PDE4DIP: variants seen among roughly 807,000 people sequenced by gnomAD.
PDE4DIP encodes myomegalin.
PDE4DIP carries 59 observed loss-of-function variants against 221.4 expected under a neutral mutation model. That is an observed-to-expected ratio of 0.27 (90% CI 0.22 to 0.33). The LOEUF is 0.33. Among genes scored for constraint, PDE4DIP ranks in the 10% least tolerant of loss-of-function variants. PDE4DIP has a pLI of 1.00. For missense variants in PDE4DIP, 1,036 were observed against 2,154.2 expected, an observed-to-expected ratio of 0.48 and a Z score of 10.28; for synonymous variants, 404 against 815.9, an observed-to-expected ratio of 0.50 and a Z score of 8.60.
At chr1:149,014,035 A>T (rs1553608337) in intron 32 of PDE4DIP, among the ~76,000 whole-genome samples, 1 of 151,910 alleles carries the variant, frequency 6.6e-6, no homozygotes, top group East Asian at 1.9e-4. Flanking sequence ...TGATTGGCCC[A>T]CCTTGGTTTC....
intron 21 of PDE4DIP, chr1:148,982,744 G>A (rs2061320000): frequency 6.6e-6 from 1 of 152,142 alleles, no homozygotes; most frequent in South Asian, 2.1e-4. Flanking sequence ...CACAGTAAAT[G>A]TGACTGAATA....
At chr1:148,968,858 G>T (rs2058665764) in exon 14 of PDE4DIP, 1 of 1,612,788 alleles carries the variant, frequency 6.2e-7, no homozygotes, top group South Asian at 1.1e-5. Flanking sequence ...ACACTGCTCT[G>T]CAAACTTGGA....
chr1:148,978,092 C>T (rs782398019), intron 18 of PDE4DIP, 39 bp downstream of exon 21: 1 of 1,574,688 alleles, frequency 6.4e-7, no homozygotes, highest in Admixed American at 1.7e-5. Flanking sequence ...GAAATGTTCA[C>T]AGCTCAGAAT....
At chr1:148,977,736 C>T (rs1315601280) in intron 17 of PDE4DIP, among the ~76,000 whole-genome samples, 1 of 152,160 alleles carries the variant, frequency 6.6e-6, no homozygotes, top group Non-Finnish European at 1.5e-5. Flanking sequence ...AAGTAGAAGA[C>T]ATCATTAAGA....
At chr1:148,951,528 G>A (rs1234610160) in intron 5 of PDE4DIP, among the ~76,000 whole-genome samples, 1 of 152,274 alleles carries the variant, frequency 6.6e-6, no homozygotes, top group Non-Finnish European at 1.5e-5. Flanking sequence ...AGACACTCCA[G>A]CTCTTACGGA....
intron 4 of PDE4DIP, among the ~76,000 whole-genome samples, chr1:148,933,615 G>C (rs1553472589): frequency 6.6e-6 from 1 of 152,078 alleles, no homozygotes; most frequent in Non-Finnish European, 1.5e-5. Context: ...GACTGTGGTG[G>C]TATAAAAAGC....
intron 32 of PDE4DIP, among the ~76,000 whole-genome samples, chr1:149,015,497 C>T (rs1459908430): frequency 6.6e-6 from 1 of 152,222 alleles, no homozygotes; most frequent in African/African-American, 2.4e-5. Flanking sequence ...TGTGTCTCTG[C>T]CCACCTCTTT....
intron 43 of PDE4DIP, chr1:149,030,501 A>T (rs1230226868): frequency 2.1e-6 from 2 of 974,232 alleles, no homozygotes; most frequent in East Asian, 2.3e-4. Context: ...GTTCACTCTC[A>T]CATTGTCATC....
chr1:148,824,460 C>T (rs1213782431), intron 1 of PDE4DIP, among the ~76,000 whole-genome samples: 1 of 119,882 alleles, frequency 8.3e-6, no homozygotes, highest in Non-Finnish European at 1.8e-5. Context: ...TCACTGCTGC[C>T]CTACTGTATT....
chr1:148,979,050 A>G (rs1352885204), intron 19 of PDE4DIP, among the ~76,000 whole-genome samples: 2 of 151,794 alleles, frequency 1.3e-5, no homozygotes, highest in South Asian at 2.1e-4. Context: ...AAAAAAAAAA[A>G]AGAGAAAGAA....
intron 9 of PDE4DIP, among the ~76,000 whole-genome samples, chr1:148,962,924 G>A (rs1476583735): frequency 3.3e-5 from 5 of 152,140 alleles, no homozygotes; most frequent in South Asian, 2.1e-4. Flanking sequence ...ACAGAGTCTC[G>A]CTCTGTCGCC....
At chr1:149,030,534 T>G (rs2076444120) in intron 43 of PDE4DIP, 1 of 929,990 alleles carries the variant, frequency 1.1e-6, no homozygotes. Context: ...TACTCCAATT[T>G]TTCTTCTTTG....
chr1:148,948,023 T>G (rs1431982869), intron 5 of PDE4DIP, among the ~76,000 whole-genome samples: 1 of 150,076 alleles, frequency 6.7e-6, no homozygotes, highest in Non-Finnish European at 1.5e-5. Context: ...TCCAGGTGAT[T>G]CTGATGCATG....
chr1:149,015,501 C>T (rs1171367542), intron 32 of PDE4DIP, among the ~76,000 whole-genome samples: 1 of 152,090 alleles, frequency 6.6e-6, no homozygotes, highest in Admixed American at 6.5e-5. Flanking sequence ...TCTCTGCCCA[C>T]CTCTTTCCTC....
At chr1:148,843,580 G>T (rs1298651350) in intron 1 of PDE4DIP, among the ~76,000 whole-genome samples, 1 of 87,664 alleles carries the variant, frequency 1.1e-5, no homozygotes, top group Non-Finnish European at 2.2e-5. Context: ...TAATAACAGT[G>T]ATTATGTCAT....
chr1:148,951,688 C>G (rs1293837685), intron 5 of PDE4DIP, among the ~76,000 whole-genome samples: 1 of 152,306 alleles, frequency 6.6e-6, no homozygotes, highest in African/African-American at 2.4e-5. Flanking sequence ...CTTCTACTAT[C>G]TTCAAGATCT....
intron 41 of PDE4DIP, among the ~76,000 whole-genome samples, chr1:149,029,416 A>T (rs3979997): frequency 3.9e-5 from 6 of 152,148 alleles, no homozygotes; most frequent in East Asian, 1.9e-4. Flanking sequence ...CAGATCTCTC[A>T]CCCCAGCATA....
intron 21 of PDE4DIP, chr1:148,990,346 G>A: frequency 2.0e-6 from 2 of 985,344 alleles, no homozygotes; most frequent in South Asian, 4.7e-5. Flanking sequence ...GTGTCGAGAT[G>A]AGATGAGCAT....
At chr1:148,883,968 C>CT (rs1295916586) in intron 3 of PDE4DIP, among the ~76,000 whole-genome samples, 8 of 135,706 alleles carry the variant, frequency 5.9e-5, no homozygotes, top group South Asian at 4.5e-4. Context: ...TTTGTTAAAG[C>CT]TTTTTTTTTC....
Sources: allele counts gnomAD v4.1 joint callset (sites outside exome capture counted in the v4.1 genomes callset), GRCh38; gene constraint gnomAD v4.1.1; transcripts MANE v1.5; gene names NCBI Gene and HGNC (gene_info 2026-07-23, HGNC 2026-07-21).